PLXND1: variants seen among roughly 807,000 people sequenced by gnomAD.
PLXND1 encodes the protein plexin-D1.
PLXND1 carries 54 observed loss-of-function variants against 197.7 expected under a neutral mutation model. The ratio of observed to expected loss-of-function variants is 0.27; its 90% CI spans 0.22 to 0.34. PLXND1 has a LOEUF of 0.34. Ranked by LOEUF, PLXND1 falls within the 10% of genes least tolerant of loss-of-function variation. The pLI, the probability that PLXND1 is intolerant of heterozygous loss-of-function variation, is 1.00. For synonymous variants in PLXND1, 1,180 were observed against 1,161.2 expected (o/e 1.02, Z -0.33); for missense variants, 2,127 against 2,699.2 (o/e 0.79, Z 4.70).
intron 1 of PLXND1, among the ~76,000 whole-genome samples, chr3:129,600,615 T>C (rs1306806745): frequency 6.6e-6 from 1 of 151,748 alleles, no homozygotes; most frequent in Non-Finnish European, 1.5e-5. Flanking sequence ...GGGAGGGATG[T>C]CTCCTGGTCC....
At chr3:129,565,275 G>A in intron 25 of PLXND1, 65 bp downstream of exon 25, 1 of 1,401,544 alleles carries the variant, frequency 7.1e-7, no homozygotes, top group African/African-American at 1.4e-5. Flanking sequence ...AGGCCGTGGG[G>A]TCACTGCCGC....
At chr3:129,598,504 T>G (rs372947444) in intron 1 of PLXND1, among the ~76,000 whole-genome samples, 1 of 152,034 alleles carries the variant, frequency 6.6e-6, no homozygotes, top group Non-Finnish European at 1.5e-5. Flanking sequence ...GCCTCTGGTA[T>G]GTGTGGGTGG....
chr3:129,596,868 G>C (rs2085632876), intron 1 of PLXND1, among the ~76,000 whole-genome samples: 1 of 152,172 alleles, frequency 6.6e-6, no homozygotes. Context: ...GCTGCTTGGA[G>C]CCTTGCGCAA....
chr3:129,605,031 T>C (rs2085762685), intron 1 of PLXND1, among the ~76,000 whole-genome samples: 1 of 152,226 alleles, frequency 6.6e-6, no homozygotes, highest in South Asian at 2.1e-4. Context: ...CTGGGCTTTA[T>C]GCGCACCTGG....
Position 129,575,455 on chromosome 3 carries a change from G to C in PLXND1, c.2530+14C>G, listed in dbSNP as rs1343436140. Reference sequence around the variant, plus strand: ...GAGGCCCCGAGGCCATGTGGGGCGGGTGGGGGTGCCCACCTGTCATGGGCT... The same window carrying C: ...GAGGCCCCGAGGCCATGTGGGGCGGCTGGGGGTGCCCACCTGTCATGGGCT... On this transcript the variant is annotated intron_variant, in intron 11 of 35. Coordinates refer to ENST00000324093, the MANE Select transcript of PLXND1 (RefSeq NM_015103.3). 4 of 1,527,572 alleles carry C rather than the reference G, an allele frequency of 2.6e-6. No homozygotes were observed. The highest frequency in any genetic ancestry group is 3.6e-6 in the Non-Finnish European group (4 of 1,125,414). 94.6% of individuals were successfully genotyped at this position (1,527,572 alleles called of 1,614,324 possible). A position where few individuals can be genotyped will look rare whatever the true frequency, so the allele number is the denominator to read the frequency against.
chr3:129,589,310 T>TGCCACCCCCCCCCC, intron 2 of PLXND1, 41 bp downstream of exon 2: 8 of 501,290 alleles, frequency 1.6e-5, no homozygotes, highest in Non-Finnish European at 2.3e-5. Context: ...CAGGGGAGCC[T>TGCCACCCCCCCCCC]CCCACCCCCA....
At chr3:129,600,267 C>A (rs2085688071) in intron 1 of PLXND1, among the ~76,000 whole-genome samples, 1 of 152,224 alleles carries the variant, frequency 6.6e-6, no homozygotes, top group Admixed American at 6.5e-5. Flanking sequence ...AAGGCCCTGA[C>A]CCTCCCTCCT....
chr3:129,587,694 C>T (rs1008903208), intron 2 of PLXND1, among the ~76,000 whole-genome samples: 2 of 152,214 alleles, frequency 1.3e-5, no homozygotes, highest in Non-Finnish European at 2.9e-5. Flanking sequence ...CACTCAAGGT[C>T]CTGGTGATCT....
intron 1 of PLXND1, among the ~76,000 whole-genome samples, chr3:129,601,258 T>A (rs930457525): frequency 6.6e-6 from 1 of 152,208 alleles, no homozygotes; most frequent in African/African-American, 2.4e-5. Flanking sequence ...TTTGGGGACT[T>A]CTGAGGGCTG....
intron 1 of PLXND1, among the ~76,000 whole-genome samples, chr3:129,597,649 G>A (rs1382912895): frequency 1.3e-5 from 2 of 152,254 alleles, no homozygotes; most frequent in African/African-American, 2.4e-5. Context: ...GAGGGCCCCC[G>A]CTGGCGCTGG....
intron 1 of PLXND1, among the ~76,000 whole-genome samples, chr3:129,599,709 C>T (rs1011655660): frequency 6.6e-6 from 1 of 152,222 alleles, no homozygotes; most frequent in African/African-American, 2.4e-5. Context: ...TGTGGCCTGG[C>T]CTCTGCAGAT....
Position 129,605,653 on chromosome 3 carries a change from G to A in PLXND1, c.987C>T (p.Gly329=), listed in dbSNP as rs1263024062. 2 of 1,536,188 alleles carry A rather than the reference G, an allele frequency of 1.3e-6. No homozygotes were observed. Among genetic ancestry groups the A allele is most frequent in the Non-Finnish European group, 1.7e-6 (2 of 1,145,140 alleles). ...ARICLPHGAG[G]DAKKLTESYI... is the part of the protein sequence containing the mutation. ...AGGACTCGGTGAGCTTCTTGGCGTC[G>A]CCGCCGGCGCCGTGGGGCAGGCAGA... Residue 329 remains glycine, a synonymous_variant, in exon 1 of 36, where the codon GGC becomes GGT. Coordinates refer to ENST00000324093, the MANE Select transcript of PLXND1 (RefSeq NM_015103.3).
Position 129,565,328 on chromosome 3 carries a change from A to C in PLXND1, c.4521+12T>G, listed in dbSNP as rs2085122712. 1 of 1,611,244 alleles carries C rather than the reference A, an allele frequency of 6.2e-7. No individual in the cohort carries two copies. Among genetic ancestry groups the C allele is most frequent in the Non-Finnish European group, 8.5e-7 (1 of 1,177,838 alleles). ...CCCCGCCTGGGCTCTGTCTGTCCCCAGGCAGCCTCACCCGCAGACAGCTGT... is the reference window on the plus strand; with the variant it reads ...CCCCGCCTGGGCTCTGTCTGTCCCCCGGCAGCCTCACCCGCAGACAGCTGT... On this transcript the variant is annotated intron_variant, in intron 25 of 35. Coordinates refer to ENST00000324093, the MANE Select transcript of PLXND1 (RefSeq NM_015103.3).
intron 1 of PLXND1, 61 bp downstream of exon 1, chr3:129,605,268 C>G: frequency 2.1e-6 from 1 of 471,812 alleles, no homozygotes; most frequent in Non-Finnish European, 3.2e-6. Context: ...GGTTCCCGCC[C>G]GCCCCCGCCC....
chr3:129,576,130 C>T (rs1177000831), intron 9 of PLXND1, among the ~76,000 whole-genome samples: 2 of 152,228 alleles, frequency 1.3e-5, no homozygotes, highest in Non-Finnish European at 2.9e-5. Flanking sequence ...GTGATCTAAC[C>T]CAGGGGCCTT....
chr3:129,560,414 C>A lies in PLXND1; in HGVS notation c.5049G>T (p.Leu1683=), dbSNP rs752706356. 9 of 1,613,744 alleles carry A rather than the reference C, an allele frequency of 5.6e-6. No individual in the cohort carries two copies. Among genetic ancestry groups the A allele is most frequent in the Non-Finnish European group, 6.8e-6 (8 of 1,179,724 alleles). The part of the protein sequence containing the change: ...YFHLVLPTDE[L]AEPKKSHRQS... ...GCCGGTGAGACTTCTTGGGCTCCGC[C>A]AGCTCGTCCGTAGGCAGCACCTGGG... The change falls in exon 31 of 36, where the codon CTG becomes CTT. Residue 1683 remains leucine (L), a synonymous_variant. Coordinates refer to ENST00000324093, the MANE Select transcript of PLXND1 (RefSeq NM_015103.3).
chr3:129,568,885 C>T (rs768427886), intron 20 of PLXND1, among the ~76,000 whole-genome samples: 9 of 152,190 alleles, frequency 5.9e-5, no homozygotes, highest in Non-Finnish European at 1.3e-4. Flanking sequence ...CAGAGTTGTG[C>T]AACCATCACC....
chr3:129,599,258 G>A (rs1018331708), intron 1 of PLXND1, among the ~76,000 whole-genome samples: 1 of 152,246 alleles, frequency 6.6e-6, no homozygotes, highest in Non-Finnish European at 1.5e-5. Context: ...GGGCGTTTCT[G>A]CCGGGCCCGA....
chr3:129,589,310 T>TGCCCCCCCCCCCCCCAGCCC, intron 2 of PLXND1, 41 bp downstream of exon 2: 1 of 501,294 alleles, frequency 2.0e-6, no homozygotes, highest in African/African-American at 2.2e-5. Flanking sequence ...CAGGGGAGCC[T>TGCCCCCCCCCCCCCCAGCCC]CCCACCCCCA....
Sources: allele counts gnomAD v4.1 joint callset (sites outside exome capture counted in the v4.1 genomes callset), GRCh38; gene constraint gnomAD v4.1.1; transcripts MANE v1.5; gene names NCBI Gene and HGNC (gene_info 2026-07-23, HGNC 2026-07-21).